Variants in GPR137B observed in about 807,000 individuals in gnomAD.
The protein encoded by GPR137B is G protein-coupled receptor 137B.
GPR137B carries 42 observed loss-of-function variants against 42.5 expected under a neutral mutation model. That is an observed-to-expected ratio of 0.99 (90% confidence interval 0.77 to 1.28). GPR137B has a LOEUF of 1.28. Ranked by LOEUF, GPR137B falls within the 50% of genes most tolerant of loss-of-function variation. The probability of loss-of-function intolerance (pLI) is 0.00; values close to 1 mark genes in which losing one functional copy is unlikely to be tolerated. For missense variants in GPR137B, 487 were observed against 493.9 expected, an observed-to-expected ratio of 0.99 and a Z score of 0.13; for synonymous variants, 218 against 209.7, an observed-to-expected ratio of 1.04 and a Z score of -0.34.
chr1:236,190,510 C>G (rs1458957051), intron 5 of GPR137B, among the ~76,000 whole-genome samples: 1 of 152,138 alleles, frequency 6.6e-6, no homozygotes, highest in Non-Finnish European at 1.5e-5. Flanking sequence ...TTCAGGAGGT[C>G]TTGTAAGGCA....
At chr1:236,154,366 A>T (rs1384203862) in intron 1 of GPR137B, among the ~76,000 whole-genome samples, 3 of 152,114 alleles carry the variant, frequency 2.0e-5, no homozygotes, top group African/African-American at 7.2e-5. Flanking sequence ...CGGCTTTGAC[A>T]GCATATATTG....
intron 3 of GPR137B, among the ~76,000 whole-genome samples, chr1:236,179,172 A>C (rs1247911609): frequency 6.6e-6 from 1 of 152,070 alleles, no homozygotes; most frequent in African/African-American, 2.4e-5. Context: ...AATACCACTG[A>C]GCTCACCCCT....
At chr1:236,207,794 A>T (rs766203376) in intron 6 of GPR137B, among the ~76,000 whole-genome samples, 1 of 152,040 alleles carries the variant, frequency 6.6e-6, no homozygotes, top group Non-Finnish European at 1.5e-5. Flanking sequence ...AACATTTCCT[A>T]TGCATAGTGA....
intron 3 of GPR137B, among the ~76,000 whole-genome samples, chr1:236,178,866 C>G (rs541911252): frequency 1.7e-5 from 2 of 120,634 alleles, no homozygotes; most frequent in African/African-American, 6.1e-5. Flanking sequence ...GGGGTGATCT[C>G]GGCTCACTGC....
At chr1:236,146,046 T>C (rs1281764306) in intron 1 of GPR137B, among the ~76,000 whole-genome samples, 1 of 151,910 alleles carries the variant, frequency 6.6e-6, no homozygotes, top group East Asian at 1.9e-4. Flanking sequence ...TTAGTAGAGA[T>C]GGAGTTTTGC....
chr1:236,153,247 G>A (rs1171687868), intron 1 of GPR137B, among the ~76,000 whole-genome samples: 1 of 152,080 alleles, frequency 6.6e-6, no homozygotes, highest in Non-Finnish European at 1.5e-5. Flanking sequence ...ACCCCCAAAG[G>A]AAACTTTATG....
At chr1:236,184,176 G>A (rs1326515189) in intron 5 of GPR137B, among the ~76,000 whole-genome samples, 1 of 152,138 alleles carries the variant, frequency 6.6e-6, no homozygotes, top group East Asian at 1.9e-4. Context: ...TTCTTTTAAT[G>A]CACCATTGCC....
chr1:236,188,093 T>C (rs1302286647), intron 5 of GPR137B, among the ~76,000 whole-genome samples: 2 of 152,236 alleles, frequency 1.3e-5, no homozygotes, highest in African/African-American at 4.8e-5. Flanking sequence ...TTAGTAGCAG[T>C]TGTGAATGGG....
chr1:236,187,398 C>T (rs549388301), intron 5 of GPR137B, among the ~76,000 whole-genome samples: 1 of 152,276 alleles, frequency 6.6e-6, no homozygotes, highest in African/African-American at 2.4e-5. Context: ...AGAATGAAGT[C>T]TTTGCCCATG....
At chr1:236,167,844 C>A (rs1000362456) in intron 1 of GPR137B, among the ~76,000 whole-genome samples, 2 of 152,208 alleles carry the variant, frequency 1.3e-5, no homozygotes, top group Non-Finnish European at 2.9e-5. Flanking sequence ...CATGCGTGGA[C>A]ACCTACCTTC....
intron 2 of GPR137B, among the ~76,000 whole-genome samples, chr1:236,176,190 C>T (rs778179588): frequency 3.3e-5 from 5 of 152,122 alleles, no homozygotes; most frequent in African/African-American, 4.8e-5. Flanking sequence ...AGGGGCCTTG[C>T]TCAGCGATCA....
intron 1 of GPR137B, among the ~76,000 whole-genome samples, chr1:236,149,029 C>G (rs954829595): frequency 1.3e-5 from 2 of 152,160 alleles, no homozygotes; most frequent in Admixed American, 1.3e-4. Context: ...CTTTGCTCCT[C>G]TCCTCCCTTA....
chr1:236,151,757 G>A (rs1226799223), intron 1 of GPR137B, among the ~76,000 whole-genome samples: 2 of 152,062 alleles, frequency 1.3e-5, no homozygotes, highest in Admixed American at 6.5e-5. Flanking sequence ...ACACACTTGC[G>A]AGGCTGAGCT....
At chr1:236,151,121 C>G (rs1299099908) in intron 1 of GPR137B, among the ~76,000 whole-genome samples, 3 of 152,204 alleles carry the variant, frequency 2.0e-5, no homozygotes. Flanking sequence ...AAAGCTGGTT[C>G]CTGGTTGGAA....
chr1:236,143,254 CA>C (rs910619012), intron 1 of GPR137B, among the ~76,000 whole-genome samples: 1 of 152,254 alleles, frequency 6.6e-6, no homozygotes, highest in African/African-American at 2.4e-5. Context: ...AAGGAGAAGG[CA>C]GGGGAGGGCT....
chr1:236,179,836 T>A (rs779977596), intron 3 of GPR137B, 43 bp from the exon 4 acceptor site: 2 of 1,476,744 alleles, frequency 1.4e-6, no homozygotes, highest in Non-Finnish European at 9.1e-7. Flanking sequence ...GGCTGGTGTC[T>A]TGGACCTGGA....
chr1:236,206,992 T>C (rs952254014), intron 6 of GPR137B: 2 of 203,944 alleles, frequency 9.8e-6, no homozygotes, highest in East Asian at 3.7e-4. Context: ...ATTAAAGACT[T>C]AGCATTAACA....
chr1:236,199,689 G>C (rs915322751), intron 5 of GPR137B, among the ~76,000 whole-genome samples: 1 of 151,328 alleles, frequency 6.6e-6, no homozygotes, highest in African/African-American at 2.5e-5. Context: ...GTATTTCTGT[G>C]GTATCGGTTG....
intron 5 of GPR137B, among the ~76,000 whole-genome samples, chr1:236,191,318 CCCACCTTCTGAAGCG>C (rs1663186241): frequency 6.6e-6 from 1 of 152,070 alleles, no homozygotes; most frequent in East Asian, 1.9e-4. Context: ...TTTATTATTA[CCCACCTTCTGAAGCG>C]TACTTCTGTC....
Sources: allele counts gnomAD v4.1 joint callset (sites outside exome capture counted in the v4.1 genomes callset), GRCh38; gene constraint gnomAD v4.1.1; transcripts MANE v1.5; gene names NCBI Gene and HGNC (gene_info 2026-07-23, HGNC 2026-07-21).